The following GRHL2 variants were observed in gnomAD, a reference collection of about 807,000 sequenced individuals.
GRHL2 encodes grainyhead like transcription factor 2, also known as grainyhead-like protein 2 homolog.
In GRHL2, 21 loss-of-function variants were observed where a neutral mutation model predicts 83.8. That is an observed-to-expected ratio of 0.25 (90% CI 0.18 to 0.36). The LOEUF is 0.36. Among genes scored for constraint, GRHL2 ranks in the 10% least tolerant of loss-of-function variants. The pLI, the probability that GRHL2 is intolerant of heterozygous loss-of-function variation, is 1.00. For missense variants in GRHL2, 623 were observed against 781.8 expected, an observed-to-expected ratio of 0.80 and a Z score of 2.42; for synonymous variants, 280 against 278.9, an observed-to-expected ratio of 1.00 and a Z score of -0.04.
intron 1 of GRHL2, among the ~76,000 whole-genome samples, chr8:101,525,136 T>C (rs1388426859): frequency 6.6e-6 from 1 of 152,146 alleles, no homozygotes; most frequent in Non-Finnish European, 1.5e-5. Flanking sequence ...AGAGACAGGG[T>C]TTCATCATGT....
In GRHL2 at chr8:101,609,513, A is replaced by G. The variant is rs907328227; in HGVS notation, c.1099-10026A>G. 2.6e-5 allele frequency among the ~76,000 whole-genome samples: 4 copies of G among 151,126 alleles called. No individual in the cohort carries two copies. The South Asian group carries it at 8.3e-4, about 31-fold the overall frequency. On this transcript the variant is annotated intron_variant, in intron 8 of 15. Transcript: ENST00000646743. ...CCCTTGATTTAAAGAAAGCAATTTC[A>G]GAAGTAAATTTATACACGCACATGT...
chr8:101,665,079 A>G (rs1219167781), intron 15 of GRHL2, among the ~76,000 whole-genome samples: 1 of 152,158 alleles, frequency 6.6e-6, no homozygotes, highest in African/African-American at 2.4e-5. Context: ...TCACCACTTT[A>G]TGAGGTGGAA....
intron 1 of GRHL2, among the ~76,000 whole-genome samples, chr8:101,542,206 A>G (rs958778131): frequency 1.3e-5 from 2 of 152,182 alleles, no homozygotes; most frequent in Admixed American, 1.3e-4. Flanking sequence ...AATGTCTTAC[A>G]CATATTTATA....
intron 14 of GRHL2, among the ~76,000 whole-genome samples, chr8:101,658,822 A>T (rs4734570): frequency 0.24 from 36,482 of 152,150 alleles, 4,571 homozygotes; most frequent in South Asian, 0.29. Flanking sequence ...AAAGTTCAAA[A>T]AAAACCAACT....
chr8:101,553,766 T>C (rs1452853846), intron 3 of GRHL2, among the ~76,000 whole-genome samples: 1 of 152,052 alleles, frequency 6.6e-6, no homozygotes. Context: ...TAGCTGGGAC[T>C]GCAAGTGCGC....
At chr8:101,553,286 AC>A (rs538048035) in intron 3 of GRHL2, among the ~76,000 whole-genome samples, 113 of 152,284 alleles carry the variant, frequency 7.4e-4, no homozygotes, top group African/African-American at 2.5e-3. Context: ...ACCATGGAAC[AC>A]CCCTTGTCTG....
chr8:101,666,035 A>T (rs1676781086), intron 15 of GRHL2, among the ~76,000 whole-genome samples: 1 of 152,220 alleles, frequency 6.6e-6, no homozygotes, highest in Admixed American at 6.5e-5. Context: ...ACTTGGGGAA[A>T]CAATTTAACC....
intron 14 of GRHL2, among the ~76,000 whole-genome samples, chr8:101,651,472 T>C (rs1010456753): frequency 9.9e-5 from 15 of 152,246 alleles, no homozygotes; most frequent in Non-Finnish European, 1.6e-4. Flanking sequence ...CATTTCTGAA[T>C]GGATTCATTA....
chr8:101,542,418 G>T (rs1811172624), intron 1 of GRHL2, among the ~76,000 whole-genome samples: 1 of 152,072 alleles, frequency 6.6e-6, no homozygotes. Context: ...AGCCAAGCAA[G>T]GTGGCAGGTG....
intron 8 of GRHL2, among the ~76,000 whole-genome samples, chr8:101,603,436 C>T (rs1210342931): frequency 2.0e-5 from 3 of 152,204 alleles, no homozygotes; most frequent in Non-Finnish European, 2.9e-5. Flanking sequence ...CCAAAGCATA[C>T]ATTTTCTTTC....
In GRHL2 at chr8:101,492,598, A is replaced by AGCGG. The variant is rs1376801647; in HGVS notation, c.-168_-165dup. 9.9e-5 allele frequency: 71 copies of AGCGG among 717,902 alleles called. No homozygotes were observed. The highest frequency in any genetic ancestry group is 2.9e-4 in the Middle Eastern group (1 of 3,418). The allele number at this position is 717,902 out of a possible 1,614,324, so 44.5% of individuals were successfully genotyped here. A position where few individuals can be genotyped will look rare whatever the true frequency, so the allele number is the denominator to read the frequency against. Reference sequence around the variant, plus strand: ...ACCTTTCCGGCTAGGTGAGGGCGCGAGCGGGCGAGCGAGCGAGAGTGGTGA... The same window carrying AGCGG: ...ACCTTTCCGGCTAGGTGAGGGCGCGAGCGGGCGGGCGAGCGAGCGAGAGTGGTGA... On this transcript the variant is annotated 5_prime_UTR_variant, in exon 1 of 16. Coordinates refer to ENST00000646743, the MANE Select transcript of GRHL2 (RefSeq NM_024915.4).
chr8:101,511,503 A>G (rs538975962), intron 1 of GRHL2, among the ~76,000 whole-genome samples: 6 of 152,142 alleles, frequency 3.9e-5, no homozygotes, highest in African/African-American at 1.4e-4. Context: ...GTGTGCCACC[A>G]CACCTGGCTA....
chr8:101,543,440 G>C lies in GRHL2; in HGVS notation c.216+4G>C. ...CCTGCTCTATGACTACTACAAGGTA[G>C]GTCCCCAGCCTCCACTTTTCTCTTC... On this transcript the variant is annotated splice_donor_region_variant and intron_variant, in intron 2 of 15. Coordinates refer to ENST00000646743, the MANE Select transcript of GRHL2 (RefSeq NM_024915.4). 6.2e-7 allele frequency: 1 copy of C among 1,613,562 alleles called. No homozygotes were observed. The highest frequency in any genetic ancestry group is 8.5e-7 in the Non-Finnish European group (1 of 1,179,560).
intron 14 of GRHL2, among the ~76,000 whole-genome samples, chr8:101,661,537 T>C (rs1813921954): frequency 6.6e-6 from 1 of 152,248 alleles, no homozygotes; most frequent in Admixed American, 6.5e-5. Context: ...TAATACGTAA[T>C]ACATTGTAAA....
chr8:101,653,110 G>A (rs890904006), intron 14 of GRHL2, among the ~76,000 whole-genome samples: 10 of 152,154 alleles, frequency 6.6e-5, no homozygotes, highest in Non-Finnish European at 1.5e-4. Context: ...GAGGCAAAAA[G>A]CTGCTCCCAA....
At chr8:101,674,465 G>A (rs1043864778), downstream of GRHL2, among the ~76,000 whole-genome samples, 3 of 152,110 alleles carry the variant, frequency 2.0e-5, no homozygotes, top group African/African-American at 7.2e-5. Context: ...TAGAAGAAAT[G>A]GATAAATTCC....
chr8:101,574,207 A>G (rs2130233060), intron 6 of GRHL2, among the ~76,000 whole-genome samples: 1 of 152,338 alleles, frequency 6.6e-6, no homozygotes, highest in South Asian at 2.1e-4. Flanking sequence ...GTAAAGGAAA[A>G]TGCAGTTCAC....
intron 1 of GRHL2, among the ~76,000 whole-genome samples, chr8:101,535,482 T>C (rs1463029706): frequency 6.6e-6 from 1 of 152,168 alleles, no homozygotes; most frequent in African/African-American, 2.4e-5. Flanking sequence ...GGAATGCCAC[T>C]GTTTTGGTGT....
intron 1 of GRHL2, among the ~76,000 whole-genome samples, chr8:101,514,522 C>A (rs1274901696): frequency 6.6e-6 from 1 of 152,148 alleles, no homozygotes; most frequent in Non-Finnish European, 1.5e-5. Flanking sequence ...CCTAGGAGTC[C>A]TTTATTTTGT....
Sources: gnomAD v4.1 joint callset for allele counts (sites outside exome capture counted in the v4.1 genomes callset) on GRCh38, gnomAD v4.1.1 for gene constraint, MANE v1.5 for transcripts, NCBI Gene and HGNC (gene_info 2026-07-23, HGNC 2026-07-21) for gene names.